Variants in UBE4A observed in about 807,000 individuals in gnomAD.
UBE4A encodes ubiquitination factor E4A.
In UBE4A, 48 loss-of-function variants were observed where a neutral mutation model predicts 117.9. The observed-to-expected ratio is 0.41, with a 90% CI of 0.32 to 0.52. UBE4A has a LOEUF of 0.52. UBE4A is among the 20% of genes least tolerant of loss of function. The probability of loss-of-function intolerance (pLI) is 0.33; values close to 1 mark genes in which losing one functional copy is unlikely to be tolerated. For synonymous variants in UBE4A, 407 were observed against 450.0 expected (o/e 0.90, Z 1.21); for missense variants, 1,067 against 1,296.3 (o/e 0.82, Z 2.72).
chr11:118,391,050 AGCTGT>A (rs1948811348), intron 18 of UBE4A, among the ~76,000 whole-genome samples: 1 of 152,204 alleles, frequency 6.6e-6, no homozygotes, highest in African/African-American at 2.4e-5. Context: ...TTGTCACCTC[AGCTGT>A]GCTGATTTTT....
In UBE4A at chr11:118,389,916, T is replaced by C. The variant is rs781929967; in HGVS notation, c.2768+11T>C. Reference sequence around the variant, plus strand: ...CTACTTAAATCTTGGGTACCTGAGATTGAAATCTGTCAAGCCAGAGGGGAT... The same window carrying C: ...CTACTTAAATCTTGGGTACCTGAGACTGAAATCTGTCAAGCCAGAGGGGAT... On this transcript the variant is annotated intron_variant, in intron 17 of 19. Coordinates refer to ENST00000252108, the MANE Select transcript of UBE4A (RefSeq NM_001204077.2). 3.8e-6 allele frequency: 6 copies of C among 1,559,918 alleles called. No homozygotes were observed. The highest frequency in any genetic ancestry group is 5.3e-6 in the Non-Finnish European group (6 of 1,140,594).
rs1008118830 is a variant in UBE4A at position 118,364,661 on chromosome 11, G to T, written c.-41-379G>T. 2.0e-5 allele frequency among the ~76,000 whole-genome samples: 3 copies of T among 152,042 alleles called. 1 individual carries two copies. Among genetic ancestry groups the T allele is most frequent in the Non-Finnish European group, 4.4e-5 (3 of 67,974 alleles). ...AATTCTTGGGAAATCCATAATTCTT[G>T]TCTTATTATTTTTCAGTGCCACATT... On this transcript the variant is annotated intron_variant, in intron 1 of 19. Transcript: ENST00000252108.
chr11:118,364,405 AG>A (rs1364599436), intron 1 of UBE4A, among the ~76,000 whole-genome samples: 2 of 152,102 alleles, frequency 1.3e-5, no homozygotes, highest in African/African-American at 4.8e-5. Flanking sequence ...TTTAATTTTT[AG>A]TGGAAGAAAT....
chr11:118,362,159 T>C (rs1343808203), intron 1 of UBE4A, among the ~76,000 whole-genome samples: 1 of 152,226 alleles, frequency 6.6e-6, no homozygotes, highest in Non-Finnish European at 1.5e-5. Context: ...TTTCCCTCTG[T>C]TGCCCAGGCT....
rs542570214 is a variant in UBE4A at position 118,388,617 on chromosome 11, C to T, written c.2588-1108C>T. On this transcript the variant is annotated intron_variant, in intron 16 of 19. Coordinates refer to ENST00000252108, the MANE Select transcript of UBE4A (RefSeq NM_001204077.2). ...TGAGCAGAGATCACGCCACTGCGCT[C>T]CAGCCTAGGCAACAGAATGAGACTC... is the stretch of plus-strand genomic sequence containing the variant. Among the ~76,000 whole-genome samples the T allele has an allele frequency of 6.0e-5, 9 of 151,132 alleles. No individual in the cohort carries two copies. In the South Asian group the frequency reaches 1.9e-3, roughly 32 times the overall value.
chr11:118,378,196 G>A (rs919840481), intron 10 of UBE4A, among the ~76,000 whole-genome samples: 3 of 151,492 alleles, frequency 2.0e-5, no homozygotes, highest in South Asian at 2.1e-4. Context: ...GCAGTGAGCC[G>A]AGATGGTGTC....
rs782814764 is a variant in UBE4A at position 118,376,656 on chromosome 11, T to A, written c.1533T>A (p.Leu511=). The A allele has an allele frequency of 6.2e-7, 1 of 1,614,104 alleles. No individual in the cohort carries two copies. The part of the protein sequence containing the change: ...PQNYNLVTEN[L]ALTEYTLYLG... ...ACTACAACCTTGTAACAGAGAACCT[T>A]GCTCTGACAGAGTACACCTTGTACT... The change falls in exon 10 of 20, where the codon CTT becomes CTA. Residue 511 remains leucine, a synonymous_variant. Coordinates refer to ENST00000252108, the MANE Select transcript of UBE4A (RefSeq NM_001204077.2).
Position 118,376,673 on chromosome 11 carries a change from C to T in UBE4A, c.1550C>T (p.Thr517Ile), listed in dbSNP as rs1316180784. The T allele has an allele frequency of 1.2e-6, 2 of 1,613,606 alleles. No homozygotes were observed. Among genetic ancestry groups the T allele is most frequent in the Non-Finnish European group, 1.7e-6 (2 of 1,179,876 alleles). ...GAGAACCTTGCTCTGACAGAGTACA[C>T]CTTGTACTTGGGATTTCACAGGTAA... ...VTENLALTEY[T>I]LYLGFHRLHD... Residue 517 changes from threonine (T) to isoleucine (I), a missense_variant, in exon 10 of 20, where the codon ACC (threonine) becomes ATC (isoleucine). Physicochemically the swap from Thr to Ile is moderately conservative, Grantham distance 89. This residue lies in a region of UBE4A where 1,001 missense variants were observed against 1,184.0 expected (regional missense o/e 0.85). Transcript: ENST00000252108.
In UBE4A at chr11:118,383,588, CAAAAAAA is replaced by C. The variant is rs11375309; in HGVS notation, c.2197+830_2197+836del. Reference sequence around the variant, plus strand: ...GGATGACAGAGCAAGAAATCCCTCTCAAAAAAAAAAAAAAAAAAAAAAAACCAGCAGG... The same window carrying C: ...GGATGACAGAGCAAGAAATCCCTCTCAAAAAAAAAAAAAAAAACCAGCAGG... On this transcript the variant is annotated intron_variant, in intron 13 of 19. Coordinates refer to ENST00000252108, the MANE Select transcript of UBE4A (RefSeq NM_001204077.2). 2.2e-4 allele frequency among the ~76,000 whole-genome samples: 12 copies of C among 54,232 alleles called. No homozygotes were observed. In the Middle Eastern group the frequency reaches 0.033, roughly 151 times the overall value. 35.6% of individuals were successfully genotyped at this position (54,232 alleles called of 152,430 possible). A position where few individuals can be genotyped will look rare whatever the true frequency, so the allele number is the denominator to read the frequency against.
chr11:118,365,283 T>C, intron 2 of UBE4A, 82 bp downstream of exon 2: 1 of 1,438,644 alleles, frequency 7.0e-7, no homozygotes, highest in Non-Finnish European at 9.2e-7. Context: ...AGTCCTTAAT[T>C]GCAATTGGAA....
chr11:118,375,687 G>GAAA (rs782817548), intron 9 of UBE4A, among the ~76,000 whole-genome samples: 1 of 144,846 alleles, frequency 6.9e-6, no homozygotes. Context: ...ATGTTTGAGA[G>GAAA]AAAAAAAAAA....
At chr11:118,370,948 C>G (rs1421427165) in intron 4 of UBE4A, among the ~76,000 whole-genome samples, 1 of 152,142 alleles carries the variant, frequency 6.6e-6, no homozygotes, top group Non-Finnish European at 1.5e-5. Context: ...AGGAGGGATC[C>G]GCCTCCATAC....
At chr11:118,390,998 G>C (rs1948810540) in intron 18 of UBE4A, among the ~76,000 whole-genome samples, 194 bp downstream of exon 18, 1 of 152,096 alleles carries the variant, frequency 6.6e-6, no homozygotes, top group South Asian at 2.1e-4. Flanking sequence ...TGGCAAGATA[G>C]CAAGACCCCA....
chr11:118,390,629 C>G (rs1298590595), intron 17 of UBE4A, 28 bp from the exon 18 acceptor site: 1 of 1,475,370 alleles, frequency 6.8e-7, no homozygotes, highest in Admixed American at 2.5e-5. Context: ...CTCTGGTGAT[C>G]AGTTTTTTTC....
chr11:118,392,872 C>T lies in UBE4A; in HGVS notation c.3051C>T (p.Ser1017=), dbSNP rs1555128846. Residue 1017 remains serine (S), a synonymous_variant, in exon 19 of 20, where the codon TCC becomes TCT. Transcript: ENST00000252108. Reference sequence around the variant, plus strand: ...CTTCCAGAGTCACTGTGGATAGATCCACCATTGCAAGACATTTGCTCAGGT... The same window carrying T: ...CTTCCAGAGTCACTGTGGATAGATCTACCATTGCAAGACATTTGCTCAGGT... The part of the protein sequence containing the change: ...LPSSRVTVDR[S]TIARHLLSDQ... 3 of 1,614,008 alleles carry T rather than the reference C, an allele frequency of 1.9e-6. No homozygotes were observed. The highest frequency in any genetic ancestry group is 1.7e-5 in the Admixed American group (1 of 60,002).
chr11:118,398,423 C>T lies in UBE4A; in HGVS notation c.*1983C>T, dbSNP rs1217634890. The T allele has an allele frequency of 6.6e-6, 1 of 152,624 alleles. No individual in the cohort carries two copies. Among genetic ancestry groups the T allele is most frequent in the Non-Finnish European group, 1.5e-5 (1 of 68,044 alleles). 9.5% of individuals were successfully genotyped at this position (152,624 alleles called of 1,614,324 possible). A position where few individuals can be genotyped will look rare whatever the true frequency, so the allele number is the denominator to read the frequency against. ...ATTAATGCTGCTGAATATCTTTAAA[C>T]TCTGCACAAGCAAGTGTGTAGCTTA... On this transcript the variant is annotated 3_prime_UTR_variant, in exon 20 of 20. Transcript: ENST00000252108.
At chr11:118,379,363 A>G in intron 10 of UBE4A, 83 bp from the exon 11 acceptor site, 4 of 1,429,848 alleles carry the variant, frequency 2.8e-6, no homozygotes, top group Non-Finnish European at 3.8e-6. Context: ...CTTAAAGAGA[A>G]GGCTAGATAA....
Position 118,373,704 on chromosome 11 carries a change from G to T in UBE4A, c.1116+19G>T. 1 of 1,607,008 alleles carries T rather than the reference G, an allele frequency of 6.2e-7. No individual in the cohort carries two copies. Among genetic ancestry groups the T allele is most frequent in the Non-Finnish European group, 8.5e-7 (1 of 1,176,898 alleles). The stretch of plus-strand genomic sequence containing the variant: ...CCATCAGGTGGAACTGTTTACCAGG[G>T]TATCCCAGCCCCCTGATCTTAAAAG... On this transcript the variant is annotated intron_variant, in intron 8 of 19. Coordinates refer to ENST00000252108, the MANE Select transcript of UBE4A (RefSeq NM_001204077.2).
chr11:118,386,718 T>A, intron 16 of UBE4A, 106 bp downstream of exon 16: 1 of 1,228,530 alleles, frequency 8.1e-7, no homozygotes, highest in Non-Finnish European at 1.1e-6. Flanking sequence ...CTGGTGACAG[T>A]ATCCTCCACA....
Sources: allele counts gnomAD v4.1 joint callset (sites outside exome capture counted in the v4.1 genomes callset), GRCh38; gene constraint gnomAD v4.1.1; regional missense constraint gnomAD v4.1.1; transcripts MANE v1.5; gene names NCBI Gene and HGNC (gene_info 2026-07-23, HGNC 2026-07-21).